The following CDH13 variants were observed in gnomAD, a reference collection of about 807,000 sequenced individuals.
The protein encoded by CDH13 is cadherin-13.
Under a neutral mutation model 63.8 loss-of-function variants are expected in CDH13, and 24 were observed. That is an observed-to-expected ratio of 0.38 (90% CI 0.27 to 0.53). CDH13 has a LOEUF of 0.53. Among genes scored for constraint, CDH13 ranks in the 20% least tolerant of loss-of-function variants. The probability of loss-of-function intolerance (pLI) is 0.85; values close to 1 mark genes in which losing one functional copy is unlikely to be tolerated. For synonymous variants in CDH13, 503 were observed against 355.3 expected (o/e 1.42, Z -4.67); for missense variants, 1,049 against 903.1 (o/e 1.16, Z -2.07).
At chr16:82,840,302 T>A (rs988157908) in intron 1 of CDH13, among the ~76,000 whole-genome samples, 2 of 150,998 alleles carry the variant, frequency 1.3e-5, no homozygotes, top group Non-Finnish European at 2.9e-5. Flanking sequence ...GAGACCAGCA[T>A]GAAGCCACCT....
At chr16:82,935,310 C>G (rs2042633654) in intron 2 of CDH13, among the ~76,000 whole-genome samples, 1 of 152,164 alleles carries the variant, frequency 6.6e-6, no homozygotes, top group Non-Finnish European at 1.5e-5. Flanking sequence ...GGGGAAGGCT[C>G]CCATGACCTA....
intron 2 of CDH13, among the ~76,000 whole-genome samples, chr16:83,001,070 C>T (rs1404269590): frequency 6.6e-6 from 1 of 152,234 alleles, no homozygotes; most frequent in Non-Finnish European, 1.5e-5. Flanking sequence ...ATTCTTACTG[C>T]TCTACTTACC....
chr16:83,499,499 A>G (rs1228210106), intron 7 of CDH13, among the ~76,000 whole-genome samples: 1 of 152,256 alleles, frequency 6.6e-6, no homozygotes, highest in Non-Finnish European at 1.5e-5. Context: ...TTGAACAACC[A>G]GTAACCATAA....
intron 2 of CDH13, among the ~76,000 whole-genome samples, chr16:83,019,233 CT>C (rs1233949689): frequency 1.3e-5 from 2 of 151,986 alleles, no homozygotes; most frequent in Admixed American, 6.6e-5. Context: ...TTTTATAGAC[CT>C]TTCTATTTTT....
At chr16:83,429,084 G>A (rs2072007822) in intron 6 of CDH13, among the ~76,000 whole-genome samples, 1 of 152,226 alleles carries the variant, frequency 6.6e-6, no homozygotes, top group Non-Finnish European at 1.5e-5. Context: ...TCCTTTGAAA[G>A]ATGGCATTAA....
intron 1 of CDH13, among the ~76,000 whole-genome samples, chr16:82,764,243 C>G (rs1366050249): frequency 6.6e-6 from 1 of 152,290 alleles, no homozygotes; most frequent in African/African-American, 2.4e-5. Flanking sequence ...TTTGAATTGT[C>G]ATGCAGCTCA....
chr16:83,071,388 C>T (rs1453003808), intron 3 of CDH13, among the ~76,000 whole-genome samples: 1 of 152,154 alleles, frequency 6.6e-6, no homozygotes, highest in African/African-American at 2.4e-5. Context: ...AGAGATGCTC[C>T]CCTTCCTATT....
At chr16:83,334,357 TCTCTCACACACA>T (rs770589911) in intron 5 of CDH13, among the ~76,000 whole-genome samples, 34 of 58,372 alleles carry the variant, frequency 5.8e-4, no homozygotes, top group South Asian at 2.4e-3. Context: ...TCTCTCTCTC[TCTCTCACACACA>T]CACACACACA....
chr16:83,738,005 T>C (rs943060053), intron 10 of CDH13, among the ~76,000 whole-genome samples: 3 of 152,230 alleles, frequency 2.0e-5, no homozygotes, highest in African/African-American at 7.2e-5. Flanking sequence ...ACATACATCG[T>C]ACGCCACCTC....
At chr16:83,029,985 A>T (rs1272488919) in intron 2 of CDH13, among the ~76,000 whole-genome samples, 1 of 152,236 alleles carries the variant, frequency 6.6e-6, no homozygotes, top group East Asian at 1.9e-4. Context: ...AGGCAAATGC[A>T]TGCACAGATA....
chr16:83,026,040 C>T (rs1205646035), intron 2 of CDH13, among the ~76,000 whole-genome samples: 2 of 152,214 alleles, frequency 1.3e-5, no homozygotes, highest in African/African-American at 4.8e-5. Flanking sequence ...AAAGCACCTA[C>T]TCCTGAGTTG....
chr16:82,962,902 TA>T (rs1205064768), intron 2 of CDH13, among the ~76,000 whole-genome samples: 3 of 152,284 alleles, frequency 2.0e-5, no homozygotes, highest in Non-Finnish European at 2.9e-5. Context: ...CACATATCTT[TA>T]AAAAAATTAG....
chr16:83,719,609 G>A (rs1411348426), intron 10 of CDH13, among the ~76,000 whole-genome samples: 1 of 152,096 alleles, frequency 6.6e-6, no homozygotes, highest in African/African-American at 2.4e-5. Context: ...TGCATACCAC[G>A]TGCAGTTATA....
intron 7 of CDH13, among the ~76,000 whole-genome samples, chr16:83,510,125 C>T (rs192268554): frequency 2.0e-5 from 3 of 152,240 alleles, no homozygotes; most frequent in Admixed American, 6.5e-5. Flanking sequence ...GGCTTTTTCT[C>T]CTGGGGCCAT....
intron 7 of CDH13, among the ~76,000 whole-genome samples, chr16:83,575,044 A>G (rs1052315485): frequency 9.9e-5 from 15 of 152,212 alleles, no homozygotes; most frequent in Non-Finnish European, 1.8e-4. Context: ...TGTCCATACA[A>G]TAGAATATTA....
rs955191331 is a variant in CDH13, at chr16:83,489,263, G to A, written c.960+2608G>A. Among the ~76,000 whole-genome samples, 5 of 152,048 alleles carry A rather than the reference G, an allele frequency of 3.3e-5. No individual in the cohort carries two copies. In the South Asian group the frequency reaches 6.2e-4, roughly 19 times the overall value. On this transcript the variant is annotated intron_variant, in intron 7 of 13. Coordinates refer to ENST00000567109, the MANE Select transcript of CDH13 (RefSeq NM_001257.5). The stretch of plus-strand genomic sequence containing the variant: ...TCCAGCTCATGATCTTTTCATTTGG[G>A]CTTTCATTAAGTTGTAATAAGTATG...
chr16:83,671,247 T>G (rs1461871431), intron 9 of CDH13, among the ~76,000 whole-genome samples: 4 of 152,170 alleles, frequency 2.6e-5, no homozygotes, highest in Admixed American at 2.6e-4. Flanking sequence ...CATTTTTTAT[T>G]TTGTTTTCAT....
At chr16:83,150,930 C>T (rs909736282) in intron 4 of CDH13, among the ~76,000 whole-genome samples, 1 of 152,138 alleles carries the variant, frequency 6.6e-6, no homozygotes, top group Non-Finnish European at 1.5e-5. Flanking sequence ...TATTATCTGC[C>T]TCTGTCCCTG....
At chr16:83,006,238 C>G (rs1913479421) in intron 2 of CDH13, among the ~76,000 whole-genome samples, 1 of 152,128 alleles carries the variant, frequency 6.6e-6, no homozygotes, top group Non-Finnish European at 1.5e-5. Context: ...AGCAAATGAC[C>G]ATGAGCTTAG....
Sources: gnomAD v4.1 joint callset for allele counts (sites outside exome capture counted in the v4.1 genomes callset) on GRCh38, gnomAD v4.1.1 for gene constraint, MANE v1.5 for transcripts, NCBI Gene and HGNC (gene_info 2026-07-23, HGNC 2026-07-21) for gene names.